The following KIAA1217 variants were observed in gnomAD, a reference collection of about 807,000 sequenced individuals.
The protein encoded by KIAA1217 is sickle tail protein homolog.
In KIAA1217, 88 loss-of-function variants were observed where a neutral mutation model predicts 163.9. The ratio of observed to expected loss-of-function variants is 0.54; its 90% CI spans 0.45 to 0.64. The LOEUF is 0.64. Ranked by LOEUF, KIAA1217 falls within the 30% of genes least tolerant of loss-of-function variation. The pLI is 0.00. For missense variants in KIAA1217, 2,372 were observed against 2,475.0 expected (o/e 0.96, Z 0.88); for synonymous variants, 903 against 923.1 (o/e 0.98, Z 0.39).
At chr10:23,787,251 G>T (rs1041637222) in intron 1 of KIAA1217, among the ~76,000 whole-genome samples, 3 of 152,116 alleles carry the variant, frequency 2.0e-5, no homozygotes, top group Admixed American at 1.3e-4. Context: ...AAATCCTCTT[G>T]TTAGAAAATA....
At chr10:24,367,059 C>T (rs891737193) in intron 2 of KIAA1217, 2 of 612,178 alleles carry the variant, frequency 3.3e-6, no homozygotes, top group Admixed American at 6.3e-5. Context: ...TATTCTTTTT[C>T]TCTTCATGTT....
intron 2 of KIAA1217, among the ~76,000 whole-genome samples, chr10:24,269,571 T>G (rs577713166): frequency 3.3e-5 from 5 of 152,104 alleles, no homozygotes; most frequent in Non-Finnish European, 7.4e-5. Flanking sequence ...ACAGAGCAAA[T>G]TACACTTTGG....
chr10:24,444,001 G>GTTTTC (rs201727861), intron 5 of KIAA1217, among the ~76,000 whole-genome samples: 32 of 152,014 alleles, frequency 2.1e-4, no homozygotes, highest in African/African-American at 4.1e-4. Context: ...AAATCTGTTT[G>GTTTTC]TTTTCTTTTC....
chr10:24,510,643 C>T lies in KIAA1217; in HGVS notation c.2002-2616C>T, dbSNP rs147062364. ...TCACAACCCTGTCATCACTCATTCC[C>T]GCCCCCTTCAAAGGCAGGAGCTCTG... On this transcript the variant is annotated intron_variant, in intron 9 of 20. Transcript: ENST00000376454. 3.9e-3 allele frequency among the ~76,000 whole-genome samples: 600 copies of T among 152,218 alleles called. 3 individuals are homozygous for T. Among genetic ancestry groups the T allele is most frequent in the African/African-American group, 0.014 (571 of 41,524 alleles).
chr10:24,334,438 T>TGGAAAGAAGGAA (rs2046077045), intron 2 of KIAA1217, among the ~76,000 whole-genome samples: 1 of 82,202 alleles, frequency 1.2e-5, no homozygotes, highest in Admixed American at 1.5e-4. Flanking sequence ...GAGGGAAGGA[T>TGGAAAGAAGGAA]GGAAGGAAGG....
At chr10:23,993,553 C>CTTTTTTTTCTTTTTTTTTT in intron 1 of KIAA1217, among the ~76,000 whole-genome samples, 1 of 68,956 alleles carries the variant, frequency 1.5e-5, no homozygotes, top group Non-Finnish European at 2.4e-5. Context: ...CATAGCCCAG[C>CTTTTTTTTCTTTTTTTTTT]TTTTTTTTTT....
intron 1 of KIAA1217, among the ~76,000 whole-genome samples, chr10:23,821,331 C>T (rs944064552): frequency 9.9e-5 from 15 of 152,200 alleles, no homozygotes; most frequent in African/African-American, 3.1e-4. Flanking sequence ...CTGATTTGGA[C>T]ATGGTCACAG....
chr10:24,059,059 A>C (rs996420141), intron 2 of KIAA1217, among the ~76,000 whole-genome samples: 1 of 152,066 alleles, frequency 6.6e-6, no homozygotes, highest in East Asian at 1.9e-4. Flanking sequence ...ATTTTCCTCT[A>C]TTTCTAGTTT....
chr10:24,107,347 G>A (rs1386113932), intron 2 of KIAA1217, among the ~76,000 whole-genome samples: 1 of 152,168 alleles, frequency 6.6e-6, no homozygotes, highest in Non-Finnish European at 1.5e-5. Context: ...ATGAACATAG[G>A]TGTGCATGTG....
At chr10:24,491,136 G>A (rs1332666831) in intron 6 of KIAA1217, among the ~76,000 whole-genome samples, 1 of 152,100 alleles carries the variant, frequency 6.6e-6, no homozygotes, top group Admixed American at 6.6e-5. Flanking sequence ...CATGCCGAAG[G>A]TGTGTCTGCA....
At chr10:24,209,396 A>C (rs1055916028) in intron 1 of KIAA1217, 133 bp downstream of exon 1, 3 of 669,142 alleles carry the variant, frequency 4.5e-6, no homozygotes, top group Non-Finnish European at 7.7e-6. Flanking sequence ...GGGATGGTAC[A>C]TTTTCCAAAC....
At chr10:23,767,895 G>GATTCT (rs1834613142) in intron 1 of KIAA1217, among the ~76,000 whole-genome samples, 1 of 152,134 alleles carries the variant, frequency 6.6e-6, no homozygotes, top group Non-Finnish European at 1.5e-5. Flanking sequence ...ATCCAAGTAG[G>GATTCT]GCTTTCTCCT....
chr10:24,486,296 G>C (rs1324346556), intron 6 of KIAA1217, among the ~76,000 whole-genome samples: 1 of 152,120 alleles, frequency 6.6e-6, no homozygotes, highest in African/African-American at 2.4e-5. Context: ...TCACACTCAG[G>C]GTCAAAGTGA....
chr10:24,360,968 G>A (rs577531915), intron 2 of KIAA1217, among the ~76,000 whole-genome samples: 2 of 151,628 alleles, frequency 1.3e-5, no homozygotes, highest in South Asian at 4.2e-4. Context: ...CATCTCGGGA[G>A]TTTTTAAAAA....
intron 5 of KIAA1217, 85 bp downstream of exon 5, chr10:24,438,564 T>G (rs2060245832): frequency 3.4e-6 from 3 of 886,072 alleles, no homozygotes; most frequent in African/African-American, 3.3e-5. Flanking sequence ...TAATCAGAAC[T>G]CTACAACTGA....
At chr10:24,292,215 A>C (rs1375184370) in intron 2 of KIAA1217, among the ~76,000 whole-genome samples, 1 of 152,234 alleles carries the variant, frequency 6.6e-6, no homozygotes, top group African/African-American at 2.4e-5. Context: ...TGTAGTTTGC[A>C]GTTGAGGTTA....
At chr10:24,115,057 GTT>G (rs1403835459) in intron 2 of KIAA1217, among the ~76,000 whole-genome samples, 1 of 152,160 alleles carries the variant, frequency 6.6e-6, no homozygotes, top group Non-Finnish European at 1.5e-5. Flanking sequence ...CCTCAGCCCA[GTT>G]TTTCTACATC....
intron 2 of KIAA1217, among the ~76,000 whole-genome samples, chr10:24,314,620 G>C (rs534264666): frequency 6.6e-6 from 1 of 152,284 alleles, no homozygotes; most frequent in Admixed American, 6.5e-5. Flanking sequence ...GTTCAGATGT[G>C]AAATCTAATG....
rs1237032487 is a variant in KIAA1217 at position 24,501,411 on chromosome 10, A to G, written c.1867A>G (p.Ser623Gly). ...CCATGTGTCTGGTGGGAAGATGCTCAGTGCTCTGGAGTCCACGGTGCCTCC... is the reference window on the plus strand; with the variant it reads ...CCATGTGTCTGGTGGGAAGATGCTCGGTGCTCTGGAGTCCACGGTGCCTCC... ...TPHVSGGKMLSALESTVPPSQ... is the reference protein window; with the variant it reads ...TPHVSGGKMLGALESTVPPSQ... Residue 623 changes from serine (S) to glycine (G), a missense_variant, in exon 9 of 21, where the codon AGT becomes GGT. Physicochemically the swap from Ser to Gly is moderately conservative, Grantham distance 56. Around this residue, in one of 3 missense-constraint regions of KIAA1217, gnomAD observed 1,431 missense variants for 1,470.3 expected, o/e 0.97. Transcript: ENST00000376454. 6.2e-7 allele frequency: 1 copy of G among 1,613,008 alleles called. No homozygotes were observed. The highest frequency in any genetic ancestry group is 8.5e-7 in the Non-Finnish European group (1 of 1,179,164).
Sources: gnomAD v4.1 joint callset for allele counts (sites outside exome capture counted in the v4.1 genomes callset) on GRCh38, gnomAD v4.1.1 for gene constraint, gnomAD v4.1.1 regional missense constraint, MANE v1.5 for transcripts, NCBI Gene and HGNC (gene_info 2026-07-23, HGNC 2026-07-21) for gene names.